Variants in WWOX observed in about 807,000 individuals in gnomAD.
WWOX encodes WW domain-containing oxidoreductase.
In WWOX, 69 loss-of-function variants were observed where a neutral mutation model predicts 46.2. That is an observed-to-expected ratio of 1.49 (90% CI 1.23 to 1.82). WWOX has a LOEUF of 1.82. Among genes scored for constraint, WWOX ranks in the 40% most tolerant of loss-of-function variants. WWOX has a pLI of 0.00. For missense variants in WWOX, 919 were observed against 542.6 expected, an observed-to-expected ratio of 1.69 and a Z score of -6.89; for synonymous variants, 359 against 202.6, an observed-to-expected ratio of 1.77 and a Z score of -6.56.
chr16:78,609,154 C>A (rs2045837050), intron 8 of WWOX, among the ~76,000 whole-genome samples: 1 of 152,128 alleles, frequency 6.6e-6, no homozygotes, highest in Non-Finnish European at 1.5e-5. Flanking sequence ...TATTTGAAAT[C>A]TTTCTATCCT....
intron 5 of WWOX, among the ~76,000 whole-genome samples, chr16:78,249,070 G>A (rs1173341849): frequency 2.0e-5 from 3 of 152,064 alleles, no homozygotes; most frequent in Admixed American, 2.0e-4. Context: ...GGCCAGACTG[G>A]TCTTGATCTC....
chr16:78,527,208 A>G (rs1352405601), intron 8 of WWOX, among the ~76,000 whole-genome samples: 3 of 152,138 alleles, frequency 2.0e-5, no homozygotes, highest in Non-Finnish European at 4.4e-5. Flanking sequence ...AACCCCACAC[A>G]ACCTAAGGAC....
chr16:78,410,161 C>A (rs1329543421), intron 6 of WWOX, among the ~76,000 whole-genome samples: 1 of 152,188 alleles, frequency 6.6e-6, no homozygotes, highest in Non-Finnish European at 1.5e-5. Flanking sequence ...TCCCCTTTTG[C>A]CTTCCGCCAT....
At chr16:78,705,195 A>C (rs2048305480) in intron 8 of WWOX, among the ~76,000 whole-genome samples, 1 of 152,196 alleles carries the variant, frequency 6.6e-6, no homozygotes, top group Non-Finnish European at 1.5e-5. Context: ...ATTTGCATTC[A>C]GTCTGACGGC....
chr16:79,115,059 G>A (rs1393182094), intron 8 of WWOX, among the ~76,000 whole-genome samples: 1 of 152,224 alleles, frequency 6.6e-6, no homozygotes, highest in Non-Finnish European at 1.5e-5. Flanking sequence ...ATGACCTCTT[G>A]TGCCTCCAGT....
At chr16:79,026,778 C>T (rs901021047) in intron 8 of WWOX, among the ~76,000 whole-genome samples, 7 of 103,188 alleles carry the variant, frequency 6.8e-5, no homozygotes, top group South Asian at 4.2e-4. Context: ...CCACCACGCC[C>T]GGCTAATTTT....
intron 8 of WWOX, chr16:78,825,252 C>T (rs960812434): frequency 4.1e-6 from 1 of 243,290 alleles, no homozygotes; most frequent in African/African-American, 2.3e-5. Flanking sequence ...GCACAATCTG[C>T]TTTCCTTTTG....
At chr16:79,144,494 G>A (rs943847983) in intron 8 of WWOX, among the ~76,000 whole-genome samples, 6 of 152,074 alleles carry the variant, frequency 3.9e-5, no homozygotes, top group Admixed American at 6.6e-5. Flanking sequence ...CTGGCTTCAC[G>A]CTTGCCTCCT....
chr16:78,225,213 A>G (rs1282717338), intron 5 of WWOX, among the ~76,000 whole-genome samples: 2 of 152,212 alleles, frequency 1.3e-5, no homozygotes, highest in Admixed American at 6.5e-5. Flanking sequence ...ATATTACTGT[A>G]ATGAATAGTG....
chr16:79,017,892 G>C (rs552125146), intron 8 of WWOX, among the ~76,000 whole-genome samples: 4 of 152,196 alleles, frequency 2.6e-5, no homozygotes, highest in East Asian at 1.9e-4. Context: ...TGACATCCAG[G>C]CTAGATCCTT....
Position 78,386,898 on chromosome 16 carries a change from T to G in WWOX, c.555T>G (p.Ala185=). The G allele has an allele frequency of 6.2e-7, 1 of 1,614,140 alleles. No homozygotes were observed. Among genetic ancestry groups the G allele is most frequent in the Non-Finnish European group, 8.5e-7 (1 of 1,180,004 alleles). ...AKVEAMTLDL[A]LLRSVQHFAE... ...TAGAAGCAATGACCCTGGACCTCGC[T>G]CTGCTCCGTAGCGTGCAGCATTTTG... Residue 185 remains alanine, a synonymous_variant, in exon 6 of 9, where the codon GCT becomes GCG. Coordinates refer to ENST00000566780, the MANE Select transcript of WWOX (RefSeq NM_016373.4).
intron 6 of WWOX, among the ~76,000 whole-genome samples, chr16:78,411,824 C>T (rs1274036895): frequency 6.6e-6 from 1 of 152,066 alleles, no homozygotes; most frequent in East Asian, 1.9e-4. Flanking sequence ...GTTGGTGATC[C>T]TAGCAGCTGA....
At chr16:78,689,260 C>T (rs1311844882) in intron 8 of WWOX, among the ~76,000 whole-genome samples, 1 of 152,212 alleles carries the variant, frequency 6.6e-6, no homozygotes, top group Non-Finnish European at 1.5e-5. Flanking sequence ...TGGAAGGTTG[C>T]CAAACTGTGC....
intron 8 of WWOX, among the ~76,000 whole-genome samples, chr16:79,008,679 C>G (rs1464752386): frequency 1.3e-5 from 2 of 152,188 alleles, no homozygotes; most frequent in Admixed American, 1.3e-4. Context: ...ACTGATGTCA[C>G]TCTCCCTACT....
chr16:78,785,096 G>A (rs902879845), intron 8 of WWOX, among the ~76,000 whole-genome samples: 1 of 152,128 alleles, frequency 6.6e-6, no homozygotes, highest in South Asian at 2.1e-4. Context: ...TACTAACTGA[G>A]AAATAACATC....
chr16:78,801,257 C>T (rs922845031), intron 8 of WWOX, among the ~76,000 whole-genome samples: 2 of 152,150 alleles, frequency 1.3e-5, no homozygotes, highest in Non-Finnish European at 2.9e-5. Context: ...TGCCTGTAAT[C>T]CCAGCTCTTT....
chr16:78,491,648 C>T (rs1039128279), intron 8 of WWOX, among the ~76,000 whole-genome samples: 1 of 152,008 alleles, frequency 6.6e-6, no homozygotes, highest in African/African-American at 2.4e-5. Flanking sequence ...GTTTTCAATG[C>T]AGTATATAAG....
At chr16:78,505,374 G>T (rs1446141559) in intron 8 of WWOX, among the ~76,000 whole-genome samples, 1 of 152,138 alleles carries the variant, frequency 6.6e-6, no homozygotes, top group African/African-American at 2.4e-5. Flanking sequence ...TAAAGTTCGG[G>T]TCCACCAGGC....
intron 8 of WWOX, among the ~76,000 whole-genome samples, chr16:78,465,027 G>A (rs1263186309): frequency 6.6e-6 from 1 of 152,160 alleles, no homozygotes; most frequent in Non-Finnish European, 1.5e-5. Flanking sequence ...GAAAGCGTGT[G>A]CAGGGGAACT....
Sources: allele counts gnomAD v4.1 joint callset (sites outside exome capture counted in the v4.1 genomes callset), GRCh38; gene constraint gnomAD v4.1.1; transcripts MANE v1.5; gene names NCBI Gene and HGNC (gene_info 2026-07-23, HGNC 2026-07-21).